Variants in HSD17B4 observed in about 807,000 individuals in gnomAD.
HSD17B4 encodes hydroxysteroid 17-beta dehydrogenase 4, also known as peroxisomal multifunctional enzyme type 2.
Under a neutral mutation model 101.0 loss-of-function variants are expected in HSD17B4, and 70 were observed. The ratio of observed to expected loss-of-function variants is 0.69; its 90% confidence interval spans 0.57 to 0.85. The LOEUF (loss-of-function observed/expected upper bound fraction) is 0.85. Among genes scored for constraint, HSD17B4 ranks in the 40% least tolerant of loss-of-function variants. The pLI, the probability that HSD17B4 is intolerant of heterozygous loss-of-function variation, is 0.00. For missense variants in HSD17B4, 984 were observed against 892.4 expected (o/e 1.10, Z -1.31); for synonymous variants, 347 against 297.1 (o/e 1.17, Z -1.73).
intron 2 of HSD17B4, among the ~76,000 whole-genome samples, chr5:119,460,655 G>A (rs1445331384): frequency 6.6e-6 from 1 of 152,136 alleles, no homozygotes; most frequent in Non-Finnish European, 1.5e-5. Flanking sequence ...CGTCTATTAT[G>A]TAGCAAACAC....
intron 6 of HSD17B4, 105 bp downstream of exon 6, chr5:119,475,975 T>C (rs1229528658): frequency 1.3e-6 from 1 of 798,648 alleles, no homozygotes; most frequent in African/African-American, 1.7e-5. Context: ...CTATCTACTT[T>C]TGCTGCTAAT....
chr5:119,486,464 C>G (rs1229608455), intron 8 of HSD17B4, among the ~76,000 whole-genome samples: 2 of 151,988 alleles, frequency 1.3e-5, no homozygotes, highest in Admixed American at 6.6e-5. Context: ...ATATTCATTC[C>G]CTTACCTTTA....
At chr5:119,489,010 T>C (rs1365956082) in intron 8 of HSD17B4, among the ~76,000 whole-genome samples, 182 bp from the exon 9 acceptor site, 1 of 152,192 alleles carries the variant, frequency 6.6e-6, no homozygotes, top group Admixed American at 6.6e-5. Context: ...TTGAGAGCCC[T>C]TTAGAAATGG....
intron 4 of HSD17B4, among the ~76,000 whole-genome samples, chr5:119,474,708 C>T (rs1164581526): frequency 1.3e-5 from 2 of 152,190 alleles, no homozygotes; most frequent in Middle Eastern, 3.4e-3. Context: ...AGCGTTTACT[C>T]AGTGCCCTTT....
Position 119,509,188 on chromosome 5 carries a change from C to T in HSD17B4, c.1381C>T (p.Leu461Phe), listed in dbSNP as rs777764011. ...KELICHNQFS[L>F]FLVGSGGFGG... is the part of the protein sequence containing the mutation. ...ACTTATATGCCACAATCAGTTCTCT[C>T]TCTTTCTTGTTGGCTCTGGAGGCTT... is the stretch of plus-strand genomic sequence containing the variant. Residue 461 changes from leucine (L) to phenylalanine (F), a missense_variant, in exon 16 of 24, where the codon CTC (leucine) becomes TTC (phenylalanine). Transcript: ENST00000510025. The T allele has an allele frequency of 6.2e-6, 10 of 1,610,222 alleles. No individual in the cohort carries two copies. The highest frequency in any genetic ancestry group is 8.5e-6 in the Non-Finnish European group (10 of 1,176,524).
At chr5:119,467,293 T>C (rs950037386) in intron 2 of HSD17B4, among the ~76,000 whole-genome samples, 2 of 152,214 alleles carry the variant, frequency 1.3e-5, no homozygotes, top group African/African-American at 4.8e-5. Context: ...AGAGCAGTGG[T>C]CTTTTTGGTC....
chr5:119,480,997 G>C (rs952533234), intron 8 of HSD17B4, among the ~76,000 whole-genome samples: 24 of 152,190 alleles, frequency 1.6e-4, no homozygotes, highest in Admixed American at 1.5e-3. Flanking sequence ...CTGTTATCCT[G>C]TTCTTTTTTC....
chr5:119,536,384 A>G, intron 22 of HSD17B4, 39 bp from the exon 23 acceptor site: 1 of 1,598,886 alleles, frequency 6.3e-7, no homozygotes, highest in African/African-American at 1.3e-5. Flanking sequence ...TTTGTTGGAG[A>G]GAAAAAGATA....
chr5:119,459,096 G>T (rs1754959433), intron 2 of HSD17B4, among the ~76,000 whole-genome samples: 1 of 152,156 alleles, frequency 6.6e-6, no homozygotes, highest in South Asian at 2.1e-4. Flanking sequence ...CATAATAATG[G>T]TAAAGCTGAG....
rs1260517680 is a variant in HSD17B4, at chr5:119,452,634, G to T, written c.58+1G>T. ...GTACTGGTCACCGGCGCGGGGGCAG[G>T]TGAGCATGCGAAGGTTGGAGGCCGC... On this transcript the variant is annotated splice_donor_variant, in intron 1 of 23. Coordinates refer to ENST00000510025, the MANE Select transcript of HSD17B4 (RefSeq NM_000414.4). LOFTEE classifies it high-confidence loss of function. 3 of 1,613,794 alleles carry T rather than the reference G, an allele frequency of 1.9e-6. No individual in the cohort carries two copies. The highest frequency in any genetic ancestry group is 2.5e-6 in the Non-Finnish European group (3 of 1,179,970).
At chr5:119,527,345 A>G (rs937587749) in intron 20 of HSD17B4, 126 bp downstream of exon 20, 8 of 650,048 alleles carry the variant, frequency 1.2e-5, no homozygotes, top group Non-Finnish European at 2.0e-5. Flanking sequence ...AATTAAAAAT[A>G]AGATACAGCT....
intron 17 of HSD17B4, among the ~76,000 whole-genome samples, chr5:119,524,957 G>A (rs1051741353): frequency 6.6e-6 from 1 of 152,038 alleles, no homozygotes; most frequent in Non-Finnish European, 1.5e-5. Flanking sequence ...TTAGGTAGTA[G>A]TAACAGTGTT....
intron 17 of HSD17B4, among the ~76,000 whole-genome samples, chr5:119,523,542 AC>A (rs1753299575): frequency 6.6e-6 from 1 of 152,072 alleles, no homozygotes; most frequent in Admixed American, 6.6e-5. Flanking sequence ...CTCATAATGA[AC>A]CTTTTTTGTC....
At chr5:119,498,272 G>C (rs532456968) in intron 12 of HSD17B4, among the ~76,000 whole-genome samples, 1 of 152,154 alleles carries the variant, frequency 6.6e-6, no homozygotes, top group South Asian at 2.1e-4. Flanking sequence ...CAAAATAAGG[G>C]TTGGCAAACC....
intron 23 of HSD17B4, among the ~76,000 whole-genome samples, chr5:119,540,581 TTTTG>T (rs1234012739): frequency 1.3e-5 from 2 of 152,126 alleles, no homozygotes; most frequent in African/African-American, 4.8e-5. Flanking sequence ...CAGACCATCG[TTTTG>T]TTTGTTTGTT....
chr5:119,482,617 C>T (rs1044519668), intron 8 of HSD17B4, among the ~76,000 whole-genome samples: 2 of 151,998 alleles, frequency 1.3e-5, no homozygotes, highest in South Asian at 4.1e-4. Context: ...AGGAGTTAGG[C>T]CGTGTTTATT....
intron 17 of HSD17B4, among the ~76,000 whole-genome samples, chr5:119,515,620 A>C (rs1478535901): frequency 6.6e-6 from 1 of 152,172 alleles, no homozygotes; most frequent in African/African-American, 2.4e-5. Flanking sequence ...ACCATAGAAA[A>C]ATTTGTTTAA....
chr5:119,537,624 A>T (rs909442189), intron 23 of HSD17B4, among the ~76,000 whole-genome samples: 1 of 152,128 alleles, frequency 6.6e-6, no homozygotes, highest in Non-Finnish European at 1.5e-5. Flanking sequence ...AAGCCTGAGT[A>T]TAGTGTTAGA....
intron 16 of HSD17B4, 133 bp downstream of exon 16, chr5:119,509,377 CT>C (rs1225158261): frequency 1.9e-5 from 14 of 736,388 alleles, no homozygotes; most frequent in Admixed American, 1.1e-4. Flanking sequence ...TCTGCCACCC[CT>C]GGGACACCAA....
Sources: gnomAD v4.1 joint callset for allele counts (sites outside exome capture counted in the v4.1 genomes callset) on GRCh38, gnomAD v4.1.1 for gene constraint, MANE v1.5 for transcripts, NCBI Gene and HGNC (gene_info 2026-07-23, HGNC 2026-07-21) for gene names.